Variants in DTNB observed in about 807,000 individuals in gnomAD.
DTNB encodes dystrobrevin beta, also known as DTN-B.
A neutral mutation model predicts 90.7 loss-of-function variants in DTNB; 63 were observed. The observed-to-expected ratio is 0.69, with a 90% CI of 0.57 to 0.86. The LOEUF is 0.86. DTNB is among the 40% of genes least tolerant of loss of function. The pLI is 0.00. For synonymous variants in DTNB, 277 were observed against 286.7 expected (o/e 0.97, Z 0.34); for missense variants, 744 against 807.1 (o/e 0.92, Z 0.95).
intron 9 of DTNB, among the ~76,000 whole-genome samples, chr2:25,529,047 A>T (rs560869694): frequency 4.6e-5 from 7 of 152,336 alleles, no homozygotes; most frequent in African/African-American, 1.7e-4. Context: ...ATGAGTCTAA[A>T]CTTTATATGA....
intron 14 of DTNB, among the ~76,000 whole-genome samples, chr2:25,428,207 C>T (rs1574291427): frequency 6.6e-6 from 1 of 152,018 alleles, no homozygotes; most frequent in East Asian, 1.9e-4. Flanking sequence ...TTGTCTCTGT[C>T]TCTTTTCCCT....
chr2:25,660,563 T>A (rs1029765685), intron 1 of DTNB, among the ~76,000 whole-genome samples: 1 of 152,190 alleles, frequency 6.6e-6, no homozygotes, highest in African/African-American at 2.4e-5. Context: ...GAACTGTAGG[T>A]TGAATTATAT....
At chr2:25,555,113 GATGAAACCCTGTCTCT>G (rs2057060154) in intron 8 of DTNB, among the ~76,000 whole-genome samples, 1 of 151,870 alleles carries the variant, frequency 6.6e-6, no homozygotes, top group Non-Finnish European at 1.5e-5. Flanking sequence ...TGGCTAACAC[GATGAAACCCTGTCTCT>G]ACTAAAAATA....
chr2:25,491,586 G>A (rs1453515756), intron 9 of DTNB, among the ~76,000 whole-genome samples: 1 of 152,058 alleles, frequency 6.6e-6, no homozygotes, highest in Non-Finnish European at 1.5e-5. Flanking sequence ...GACATTATTC[G>A]CTGTTATATT....
intron 9 of DTNB, among the ~76,000 whole-genome samples, chr2:25,516,245 A>C (rs1370482326): frequency 6.6e-6 from 1 of 151,910 alleles, no homozygotes; most frequent in Non-Finnish European, 1.5e-5. Flanking sequence ...TAGTCCTGTC[A>C]CTTTCTTTCT....
intron 10 of DTNB, among the ~76,000 whole-genome samples, chr2:25,466,620 G>C (rs1285383021): frequency 4.6e-5 from 7 of 152,228 alleles, no homozygotes; most frequent in Middle Eastern, 3.2e-3. Context: ...AGCAGTTACA[G>C]TGTGTTTGTG....
At chr2:25,643,307 T>C (rs1161613527) in intron 2 of DTNB, among the ~76,000 whole-genome samples, 1 of 152,140 alleles carries the variant, frequency 6.6e-6, no homozygotes, top group African/African-American at 2.4e-5. Context: ...AGATCCCTTC[T>C]GAACCCCAGT....
chr2:25,622,074 A>T (rs925761231), intron 4 of DTNB, among the ~76,000 whole-genome samples: 4 of 151,730 alleles, frequency 2.6e-5, no homozygotes, highest in Non-Finnish European at 5.9e-5. Context: ...GTGAAATTTC[A>T]TTCTATTTCT....
intron 12 of DTNB, among the ~76,000 whole-genome samples, chr2:25,444,221 G>C (rs1360425870): frequency 1.3e-5 from 2 of 152,116 alleles, no homozygotes; most frequent in African/African-American, 2.4e-5. Flanking sequence ...ACACATTATA[G>C]TTTTGTTTTT....
intron 12 of DTNB, among the ~76,000 whole-genome samples, chr2:25,443,105 C>T (rs1381500898): frequency 6.6e-6 from 1 of 152,244 alleles, no homozygotes; most frequent in African/African-American, 2.4e-5. Flanking sequence ...AAAGACCTAA[C>T]AATGAATGCA....
intron 16 of DTNB, among the ~76,000 whole-genome samples, chr2:25,397,763 C>A (rs1236374970): frequency 6.6e-6 from 1 of 151,806 alleles, no homozygotes; most frequent in African/African-American, 2.4e-5. Context: ...GCCTATAATC[C>A]CAGCTACTCA....
chr2:25,545,209 T>G (rs986707220), intron 8 of DTNB, among the ~76,000 whole-genome samples: 3 of 152,240 alleles, frequency 2.0e-5, no homozygotes, highest in Non-Finnish European at 4.4e-5. Context: ...AAAGTTAAAT[T>G]TGGCCTTTTT....
chr2:25,656,561 T>C (rs777342262), intron 1 of DTNB, among the ~76,000 whole-genome samples: 1 of 152,210 alleles, frequency 6.6e-6, no homozygotes, highest in South Asian at 2.1e-4. Flanking sequence ...TTTCAAACCC[T>C]GCCATTTCCT....
At chr2:25,555,937 T>C (rs750104828) in intron 8 of DTNB, among the ~76,000 whole-genome samples, 8 of 152,060 alleles carry the variant, frequency 5.3e-5, no homozygotes, top group Non-Finnish European at 1.2e-4. Context: ...GGAGAATCAC[T>C]TGAACCCAGG....
intron 16 of DTNB, among the ~76,000 whole-genome samples, chr2:25,389,856 G>T (rs62131107): frequency 5.2e-3 from 343 of 65,426 alleles, no homozygotes; most frequent in South Asian, 0.017. Context: ...TTGTGTGTGT[G>T]TGTGTGTGTG....
intron 1 of DTNB, among the ~76,000 whole-genome samples, chr2:25,667,331 A>G (rs1223473517): frequency 2.0e-5 from 3 of 151,984 alleles, no homozygotes; most frequent in Non-Finnish European, 4.4e-5. Flanking sequence ...TCTACTAAAA[A>G]TACAAAAATT....
intron 14 of DTNB, among the ~76,000 whole-genome samples, chr2:25,430,052 C>T (rs1351521735): frequency 6.6e-6 from 1 of 151,950 alleles, no homozygotes; most frequent in Non-Finnish European, 1.5e-5. Flanking sequence ...TCCATGGTTC[C>T]AAATGCTTCC....
chr2:25,663,051 C>A (rs2083587241), intron 1 of DTNB, among the ~76,000 whole-genome samples: 1 of 152,050 alleles, frequency 6.6e-6, no homozygotes, highest in Non-Finnish European at 1.5e-5. Context: ...TCCTAATGCT[C>A]TCCCTCCCCT....
In DTNB at chr2:25,607,239, T is replaced by G; in HGVS notation, c.445A>C (p.Arg149=). ...CAAATAATATGAAAATACTTACATC[T>G]CAATTTGTCCAGCATTTTTCCACCA... The part of the protein sequence containing the change: ...MCGGKMLDKL[R]YVFSQMSDSN... Residue 149 remains arginine (R), a synonymous_variant, in exon 5 of 21, where the codon AGA becomes CGA. Transcript: ENST00000406818. The G allele has an allele frequency of 6.3e-7, 1 of 1,596,620 alleles. No homozygotes were observed. The highest frequency in any genetic ancestry group is 8.5e-7 in the Non-Finnish European group (1 of 1,170,988).
Sources: gnomAD v4.1 joint callset for allele counts (sites outside exome capture counted in the v4.1 genomes callset) on GRCh38, gnomAD v4.1.1 for gene constraint, MANE v1.5 for transcripts, NCBI Gene and HGNC (gene_info 2026-07-23, HGNC 2026-07-21) for gene names.